The following PCDHGA7 variants were observed in gnomAD, a reference collection of about 807,000 sequenced individuals.
The protein encoded by PCDHGA7 is protocadherin gamma subfamily A, 7.
A neutral mutation model predicts 58.3 loss-of-function variants in PCDHGA7; 44 were observed. The ratio of observed to expected loss-of-function variants is 0.75; its 90% confidence interval spans 0.59 to 0.97. The LOEUF is 0.97. Ranked by LOEUF, PCDHGA7 falls within the 50% of genes least tolerant of loss-of-function variation. The probability of loss-of-function intolerance (pLI) is 0.00; values close to 1 mark genes in which losing one functional copy is unlikely to be tolerated. For missense variants in PCDHGA7, 1,266 were observed against 1,188.7 expected (o/e 1.06, Z -0.96); for synonymous variants, 516 against 504.2 (o/e 1.02, Z -0.31).
intron 1 of PCDHGA7, chr5:141,393,540 C>G (rs760241344): frequency 6.2e-7 from 1 of 1,613,996 alleles, no homozygotes; most frequent in Admixed American, 1.7e-5. Context: ...CCCGGTTTTT[C>G]CTCACCCGAT....
chr5:141,386,000 AT>A (rs1420495491), intron 1 of PCDHGA7: 3 of 152,258 alleles, frequency 2.0e-5, no homozygotes, highest in Admixed American at 6.5e-5. Flanking sequence ...ATAAAATGTC[AT>A]TTTAAGTGTT....
chr5:141,483,243 ATATATCATGAGGTTTTTTTGTT>A (rs555469799), intron 1 of PCDHGA7, among the ~76,000 whole-genome samples: 11 of 151,654 alleles, frequency 7.3e-5, no homozygotes, highest in African/African-American at 2.2e-4. Context: ...ACTGATATGC[ATATATCATGAGGTTTTTTTGTT>A]TTAGAAATAT....
At chr5:141,386,521 A>AT (rs1458324675) in intron 1 of PCDHGA7, among the ~76,000 whole-genome samples, 1 of 232 alleles carries the variant, frequency 4.3e-3, no homozygotes, top group African/African-American at 0.013. Context: ...TCAAAAAAAG[A>AT]CTCTTTTTAG....
At chr5:141,438,589 TAC>T (rs72335471) in intron 1 of PCDHGA7, among the ~76,000 whole-genome samples, 19,881 of 66,350 alleles carry the variant, frequency 0.3, 2,903 homozygotes, top group Admixed American at 0.41. Context: ...CATACATACA[TAC>T]ATATATATAT....
At chr5:141,488,784 T>C (rs116057353) in intron 1 of PCDHGA7, among the ~76,000 whole-genome samples, 1 of 152,248 alleles carries the variant, frequency 6.6e-6, no homozygotes, top group African/African-American at 2.4e-5. Flanking sequence ...TTGTATCACT[T>C]TGTCTTCCCT....
chr5:141,410,104 C>G, intron 1 of PCDHGA7: 1 of 1,612,582 alleles, frequency 6.2e-7, no homozygotes, highest in Non-Finnish European at 8.5e-7. Context: ...CCTTAGGCGA[C>G]AGGGACGCAG....
Position 141,486,683 on chromosome 5 carries a change from G to C in PCDHGA7, c.2425-8124G>C, listed in dbSNP as rs1207359772. 6.2e-7 allele frequency: 1 copy of C among 1,613,974 alleles called. No individual in the cohort carries two copies. ...GGAGCCCAGGAATCGAGATGTATCA[G>C]CTTCCTCTTTCATCTCTCTGAACCC... On this transcript the variant is annotated intron_variant, in intron 1 of 3. Coordinates refer to ENST00000518325, the MANE Select transcript of PCDHGA7 (RefSeq NM_018920.4). This position sits in a 1 kb window ranked among gnomAD's most constrained non-coding sequence, Gnocchi z 5.0.
At chr5:141,492,527 G>A (rs1000672383) in intron 1 of PCDHGA7, among the ~76,000 whole-genome samples, 1 of 152,184 alleles carries the variant, frequency 6.6e-6, no homozygotes, top group African/African-American at 2.4e-5. Flanking sequence ...TCTCCCACCT[G>A]CGCCCCGGGC....
chr5:141,392,971 G>T (rs2092639952), intron 1 of PCDHGA7: 1 of 1,613,896 alleles, frequency 6.2e-7, no homozygotes, highest in Non-Finnish European at 8.5e-7. Flanking sequence ...AAGGACCTGG[G>T]GCTGGACCCC....
At chr5:141,392,891 C>T in intron 1 of PCDHGA7, 1 of 1,613,594 alleles carries the variant, frequency 6.2e-7, no homozygotes. Flanking sequence ...TGTGGGAAAT[C>T]GGGAGGGGAC....
At position 141,493,906 on chromosome 5, in the gene PCDHGA7, G is replaced by A. The variant is rs2099750764; in HGVS notation, c.2425-901G>A. ...CTCTAGGAGTGCTCCATGAGAGTGT[G>A]TGATGGGATAACACACCCCCTGGAA... is the stretch of plus-strand genomic sequence containing the variant. On this transcript the variant is annotated intron_variant, in intron 1 of 3. Transcript: ENST00000518325. The surrounding 1 kb of genome is among the most constrained non-coding windows in gnomAD (Gnocchi z 4.3). Among the ~76,000 whole-genome samples the A allele has an allele frequency of 6.6e-6, 1 of 152,200 alleles. No individual in the cohort carries two copies. Among genetic ancestry groups the A allele is most frequent in the Non-Finnish European group, 1.5e-5 (1 of 68,032 alleles).
chr5:141,410,780 A>T, intron 1 of PCDHGA7: 1 of 803,810 alleles, frequency 1.2e-6, no homozygotes. Context: ...TTCACTATGT[A>T]TTTGGTTCAT....
Position 141,485,057 on chromosome 5 carries a change from C to T in PCDHGA7, c.2425-9750C>T. 1 of 843,720 alleles carries T rather than the reference C, an allele frequency of 1.2e-6. No individual in the cohort carries two copies. The highest frequency in any genetic ancestry group is 1.9e-6 in the Non-Finnish European group (1 of 524,586). 52.3% of individuals were successfully genotyped at this position (843,720 alleles called of 1,614,324 possible). On this transcript the variant is annotated intron_variant, in intron 1 of 3. Transcript: ENST00000518325. This position sits in a 1 kb window ranked among gnomAD's most constrained non-coding sequence, Gnocchi z 5.7. The stretch of plus-strand genomic sequence containing the variant: ...GTAACCCTTGCGGCGCCGGCCGAAC[C>T]GCGCCAGAGCTGGCGCGGGGAAAGG...
At chr5:141,389,862 C>T (rs2091950734) in intron 1 of PCDHGA7, 1 of 1,613,964 alleles carries the variant, frequency 6.2e-7, no homozygotes, top group African/African-American at 1.3e-5. Flanking sequence ...CACGTTGCAC[C>T]TGGTCTTCGC....
In PCDHGA7 at chr5:141,476,352, T is replaced by C. The variant is rs2099389565; in HGVS notation, c.2425-18455T>C. The C allele has an allele frequency of 1.2e-6, 2 of 1,613,826 alleles. No individual in the cohort carries two copies. Among genetic ancestry groups the C allele is most frequent in the African/African-American group, 1.3e-5 (1 of 74,852 alleles). On this transcript the variant is annotated intron_variant, in intron 1 of 3. Transcript: ENST00000518325. The surrounding 1 kb of genome is among the most constrained non-coding windows in gnomAD (Gnocchi z 7.6). ...GGAGCTAGCCGAAGATTCTTTGAGG[T>C]GAACCGGGAGACCGGAGAGATGTTT...
At chr5:141,472,729 T>G (rs2099294506) in intron 1 of PCDHGA7, among the ~76,000 whole-genome samples, 1 of 152,004 alleles carries the variant, frequency 6.6e-6, no homozygotes. Context: ...CTCACACCTG[T>G]AATCCCAGCA....
intron 1 of PCDHGA7, chr5:141,394,762 G>A: frequency 6.2e-7 from 1 of 1,613,396 alleles, no homozygotes; most frequent in Non-Finnish European, 8.5e-7. Flanking sequence ...CAGGACCATG[G>A]CCAGCCCCCT....
Position 141,399,777 on chromosome 5 carries a change from C to T in PCDHGA7, c.2424+14454C>T, listed in dbSNP as rs751610227. On this transcript the variant is annotated intron_variant, in intron 1 of 3. Transcript: ENST00000518325. ...TGAGCCTGCGCGTGTTGGTGGGCGA[C>T]CGAAACGACAACGCACCGCGGGTGC... The T allele has an allele frequency of 3.7e-6, 6 of 1,613,304 alleles. No homozygotes were observed. The Admixed American group carries it at 8.3e-5, about 22-fold the overall frequency.
chr5:141,448,948 AAAAC>A (rs1237948751), intron 1 of PCDHGA7, among the ~76,000 whole-genome samples: 14 of 152,170 alleles, frequency 9.2e-5, no homozygotes, highest in African/African-American at 9.7e-5. Flanking sequence ...GCAACTCAAA[AAAAC>A]AAACAAACAA....
Sources: gnomAD v4.1 joint callset for allele counts (sites outside exome capture counted in the v4.1 genomes callset) on GRCh38, gnomAD v4.1.1 for gene constraint, Gnocchi (gnomAD v3.1) non-coding constraint, MANE v1.5 for transcripts, NCBI Gene and HGNC (gene_info 2026-07-23, HGNC 2026-07-21) for gene names.